Variants in SARDH observed in about 807,000 individuals in gnomAD.
The protein encoded by SARDH is sarcosine dehydrogenase.
Under a neutral mutation model 109.1 loss-of-function variants are expected in SARDH, and 95 were observed. The observed-to-expected ratio is 0.87, with a 90% confidence interval of 0.74 to 1.03. The LOEUF is 1.03. Among genes scored for constraint, SARDH ranks in the 50% least tolerant of loss-of-function variants. SARDH has a pLI of 0.00. For missense variants in SARDH, 1,267 were observed against 1,287.8 expected (o/e 0.98, Z 0.25); for synonymous variants, 572 against 534.8 (o/e 1.07, Z -0.96).
intron 17 of SARDH, among the ~76,000 whole-genome samples, chr9:133,676,600 G>A (rs1830519509): frequency 6.6e-6 from 1 of 152,216 alleles, no homozygotes; most frequent in African/African-American, 2.4e-5. Context: ...GAGGCCGGGG[G>A]GTGTAGACAC....
In SARDH at chr9:133,708,224, G is replaced by A. The variant is rs117724808; in HGVS notation, c.1470+63C>T. 84 of 1,538,436 alleles carry A rather than the reference G, an allele frequency of 5.5e-5. No homozygotes were observed. In the East Asian group the frequency reaches 1.4e-3, roughly 26 times the overall value. On this transcript the variant is annotated intron_variant, in intron 11 of 20. Transcript: ENST00000439388. ...GTACACCTTGCATTTCTGTCACTCC[G>A]CTGCCCTGAGGACGTCCCAGACCCT...
intron 13 of SARDH, among the ~76,000 whole-genome samples, chr9:133,696,704 A>C (rs1831301932): frequency 6.6e-6 from 1 of 152,224 alleles, no homozygotes; most frequent in Non-Finnish European, 1.5e-5. Context: ...ATATGTGGAA[A>C]TTACACAACA....
In SARDH at chr9:133,717,847, T is replaced by G. The variant is rs925501153; in HGVS notation, c.1021-392A>C. ...GCTCTTTGGGAAGAGCAAGCTTGTG[T>G]GAGCTCAAGGCCTTCACCCCTCAAT... On this transcript the variant is annotated intron_variant, in intron 7 of 20. Coordinates refer to ENST00000439388, the MANE Select transcript of SARDH (RefSeq NM_001134707.2). Among the ~76,000 whole-genome samples the G allele has an allele frequency of 3.3e-5, 5 of 152,278 alleles. No homozygotes were observed. In the East Asian group the frequency reaches 9.7e-4, roughly 29 times the overall value.
In SARDH at chr9:133,709,900, C is replaced by T. The variant is rs754320663; in HGVS notation, c.1329-1472G>A. On this transcript the variant is annotated intron_variant, in intron 10 of 20. Transcript: ENST00000439388. The surrounding 1 kb of genome is among the most constrained non-coding windows in gnomAD (Gnocchi z 4.2). ...CACACCTGCGCCAGGCTATGCTGAC[C>T]AGGAGCTGAAGGAGGGGGTGATGGA... is the stretch of plus-strand genomic sequence containing the variant. Among the ~76,000 whole-genome samples the T allele has an allele frequency of 5.3e-5, 8 of 152,116 alleles. No individual in the cohort carries two copies. Among genetic ancestry groups the T allele is most frequent in the Non-Finnish European group, 1.2e-4 (8 of 68,036 alleles).
rs987376971 is a variant in SARDH, at chr9:133,726,595, G to A, written c.915+3170C>T. Among the ~76,000 whole-genome samples, 19 of 152,100 alleles carry A rather than the reference G, an allele frequency of 1.2e-4. 1 individual carries two copies. In the South Asian group the frequency reaches 1.9e-3, roughly 15 times the overall value. On this transcript the variant is annotated intron_variant, in intron 6 of 20. Transcript: ENST00000439388. ...ATCCTGCTGCCTCTGAGCACCCAGC[G>A]GAGTGCCCAGTTCAGCATCAGCGTC...
Position 133,686,670 on chromosome 9 carries a change from G to GC in SARDH, c.2070-1385dup, listed in dbSNP as rs769038442. ...GGTGAGGCCCCCATTGCTAGGAGAC[G>GC]CCCCCCCACTTCTGTCCCTCTGGGA... On this transcript the variant is annotated intron_variant, in intron 16 of 20. Coordinates refer to ENST00000439388, the MANE Select transcript of SARDH (RefSeq NM_001134707.2). This position sits in a 1 kb window ranked among gnomAD's most constrained non-coding sequence, Gnocchi z 4.0. Among the ~76,000 whole-genome samples the GC allele has an allele frequency of 2.9e-4, 44 of 152,010 alleles. No individual in the cohort carries two copies. The highest frequency in any genetic ancestry group is 5.0e-4 in the Non-Finnish European group (34 of 68,004).
downstream of SARDH, among the ~76,000 whole-genome samples, chr9:133,660,772 T>C (rs1832402682): frequency 6.6e-6 from 1 of 152,098 alleles, no homozygotes; most frequent in Non-Finnish European, 1.5e-5. Flanking sequence ...CCCATCAGTG[T>C]TGAGAGAAGT....
intron 8 of SARDH, among the ~76,000 whole-genome samples, chr9:133,713,779 T>C (rs559123609): frequency 6.6e-6 from 1 of 152,320 alleles, no homozygotes; most frequent in East Asian, 1.9e-4. Flanking sequence ...CTGTGTGGCA[T>C]TGGGCGAGTC....
chr9:133,717,801 C>T (rs942316668), intron 7 of SARDH, among the ~76,000 whole-genome samples: 14 of 152,232 alleles, frequency 9.2e-5, no homozygotes, highest in Admixed American at 5.9e-4. Flanking sequence ...CCACTGGGCC[C>T]GCCACCCTGA....
intron 13 of SARDH, among the ~76,000 whole-genome samples, chr9:133,700,046 G>C (rs1046298154): frequency 6.6e-6 from 1 of 152,216 alleles, no homozygotes; most frequent in Non-Finnish European, 1.5e-5. Flanking sequence ...GAATGAAGTG[G>C]CCTGGCATGG....
chr9:133,694,273 C>T lies in SARDH; in HGVS notation c.1906G>A (p.Ala636Thr). 1 of 1,549,302 alleles carries T rather than the reference C, an allele frequency of 6.5e-7. No individual in the cohort carries two copies. The highest frequency in any genetic ancestry group is 2.4e-5 in the East Asian group (1 of 40,906). The change falls in exon 15 of 21, where the codon GCC becomes ACC. Residue 636 changes from alanine to threonine, a missense_variant. Ala to Thr is a moderately conservative substitution (Grantham distance 58). Coordinates refer to ENST00000439388, the MANE Select transcript of SARDH (RefSeq NM_001134707.2). ...LAPSHQASPL[A>T]PAFEGDGYYL... ...CATCCCATACCTTCAAAGGCGGGGG[C>T]CAGCGGGGAGGCCTGGTGGCTGGGT...
rs112827685 is a variant in SARDH at position 133,733,947 on chromosome 9, C to T, written c.227G>A (p.Ser76Asn). Residue 76 changes from serine (S) to asparagine (N), a missense_variant, in exon 2 of 21, where the codon AGC (serine) becomes AAC (asparagine). Physicochemically the swap from Ser to Asn is conservative, Grantham distance 46. Transcript: ENST00000439388. ...GTGGTACAGGGTCTGGCAGCCCAAGCTGCCTCCACCAATGACCACCACGTT... is the reference window on the plus strand; with the variant it reads ...GTGGTACAGGGTCTGGCAGCCCAAGTTGCCTCCACCAATGACCACCACGTT... ...TANVVVIGGG[S>N]LGCQTLYHLA... The T allele has an allele frequency of 5.0e-6, 8 of 1,603,852 alleles. No individual in the cohort carries two copies. The highest frequency in any genetic ancestry group is 4.0e-5 in the African/African-American group (3 of 74,946).
chr9:133,735,075 A>T (rs1473598688), intron 1 of SARDH, among the ~76,000 whole-genome samples: 1 of 152,130 alleles, frequency 6.6e-6, no homozygotes, highest in African/African-American at 2.4e-5. Flanking sequence ...GGCATCGTGG[A>T]TGCTACAGCA....
At chr9:133,667,514 A>G (rs191254784) in intron 19 of SARDH, among the ~76,000 whole-genome samples, 5 of 152,106 alleles carry the variant, frequency 3.3e-5, no homozygotes, top group African/African-American at 1.2e-4. Flanking sequence ...AAAGGACTTT[A>G]CTACATGTAA....
At chr9:133,719,893 C>G (rs918731966) in intron 6 of SARDH, among the ~76,000 whole-genome samples, 2 of 151,568 alleles carry the variant, frequency 1.3e-5, no homozygotes, top group Non-Finnish European at 2.9e-5. Flanking sequence ...AGGCAGATCA[C>G]GAGGTCAGGA....
At chr9:133,726,865 G>A (rs944339677) in intron 6 of SARDH, among the ~76,000 whole-genome samples, 6 of 152,156 alleles carry the variant, frequency 3.9e-5, no homozygotes, top group African/African-American at 1.2e-4. Flanking sequence ...ACCACCTCAT[G>A]AGCACCTGCT....
In SARDH at chr9:133,663,822, AC is replaced by A. The variant is rs1256297685; in HGVS notation, c.*66del. On this transcript the variant is annotated 3_prime_UTR_variant, in exon 21 of 21. Coordinates refer to ENST00000439388, the MANE Select transcript of SARDH (RefSeq NM_001134707.2). ...TTCTGGCTGGGTCCAGGGTCCTGGG[AC>A]CCAGGGCCATTTGGGACCTGTGAGA... 8.1e-6 allele frequency: 13 copies of A among 1,598,370 alleles called. No individual in the cohort carries two copies. The East Asian group carries it at 2.9e-4, about 36-fold the overall frequency.
At chr9:133,674,674 T>C (rs1299614656) in intron 17 of SARDH, among the ~76,000 whole-genome samples, 2 of 152,100 alleles carry the variant, frequency 1.3e-5, no homozygotes, top group Admixed American at 6.6e-5. Context: ...GCTGGGAGGA[T>C]CCGATAGCCA....
intron 13 of SARDH, among the ~76,000 whole-genome samples, chr9:133,699,818 C>T (rs914839696): frequency 2.0e-5 from 3 of 151,810 alleles, no homozygotes; most frequent in Non-Finnish European, 2.9e-5. Flanking sequence ...GTTGGCGTTC[C>T]CCCAAAATGT....
Sources: gnomAD v4.1 joint callset for allele counts (sites outside exome capture counted in the v4.1 genomes callset) on GRCh38, gnomAD v4.1.1 for gene constraint, Gnocchi (gnomAD v3.1) non-coding constraint, MANE v1.5 for transcripts, NCBI Gene and HGNC (gene_info 2026-07-23, HGNC 2026-07-21) for gene names.